The following FRY variants were observed in gnomAD, a reference collection of about 807,000 sequenced individuals.
FRY encodes protein furry homolog.
In FRY, 128 loss-of-function variants were observed where a neutral mutation model predicts 348.4. The ratio of observed to expected loss-of-function variants is 0.37; its 90% confidence interval spans 0.32 to 0.43. FRY has a LOEUF of 0.43. FRY is among the 20% of genes least tolerant of loss of function. The pLI, the probability that FRY is intolerant of heterozygous loss-of-function variation, is 1.00. For missense variants in FRY, 2,736 were observed against 3,695.2 expected (o/e 0.74, Z 6.73); for synonymous variants, 1,370 against 1,374.7 (o/e 1.00, Z 0.08).
Position 32,032,002 on chromosome 13 carries a change from T to C in FRY, c.70+137T>C, listed in dbSNP as rs1048040989. 419 of 608,690 alleles carry C rather than the reference T, an allele frequency of 6.9e-4. 1 individual carries two copies. Among genetic ancestry groups the C allele is most frequent in the Admixed American group, 7.0e-4 (23 of 32,982 alleles). 37.7% of individuals were successfully genotyped at this position (608,690 alleles called of 1,614,324 possible). ...TTTTTTTCTTTTCTTTTCTTTTCTC[T>C]TTCTTTCTTTCTTTCTTTCTTTTTC... On this transcript the variant is annotated intron_variant, in intron 1 of 60. Transcript: ENST00000542859.
At chr13:32,194,849 C>A (rs1450724699) in intron 29 of FRY, among the ~76,000 whole-genome samples, 4 of 152,156 alleles carry the variant, frequency 2.6e-5, no homozygotes, top group African/African-American at 9.7e-5. Flanking sequence ...GAAATAAGTT[C>A]ATAGCTACCA....
At chr13:32,168,864 A>G (rs1319069819) in intron 17 of FRY, among the ~76,000 whole-genome samples, 1 of 152,226 alleles carries the variant, frequency 6.6e-6, no homozygotes, top group Non-Finnish European at 1.5e-5. Flanking sequence ...TATCTTATCA[A>G]ACTTTTGAAA....
chr13:32,033,443 T>C (rs1466786101), intron 1 of FRY, among the ~76,000 whole-genome samples: 1 of 152,242 alleles, frequency 6.6e-6, no homozygotes, highest in Non-Finnish European at 1.5e-5. Flanking sequence ...AAAATTATGT[T>C]GTGACAATAC....
At chr13:32,207,401 T>C (rs1884418619) in intron 31 of FRY, among the ~76,000 whole-genome samples, 2 of 152,246 alleles carry the variant, frequency 1.3e-5, no homozygotes, top group African/African-American at 4.8e-5. Context: ...CATTTGTCAC[T>C]GTTTCCCTTG....
intron 1 of FRY, among the ~76,000 whole-genome samples, chr13:32,055,802 G>C (rs572164039): frequency 6.6e-6 from 1 of 152,282 alleles, no homozygotes; most frequent in Non-Finnish European, 1.5e-5. Context: ...AGAACATTTA[G>C]TGTACTTCTA....
chr13:32,238,033 G>A, intron 44 of FRY, 47 bp downstream of exon 44: 1 of 1,599,052 alleles, frequency 6.3e-7, no homozygotes, highest in Admixed American at 1.7e-5. Context: ...TGGTGACTGT[G>A]TTCATCATTT....
At chr13:32,075,172 T>C (rs1428423023) in intron 1 of FRY, among the ~76,000 whole-genome samples, 1 of 152,234 alleles carries the variant, frequency 6.6e-6, no homozygotes, top group Non-Finnish European at 1.5e-5. Context: ...GCAGCAAATT[T>C]TTCCCTTTTA....
chr13:32,085,877 T>G, intron 2 of FRY: 1 of 518,996 alleles, frequency 1.9e-6, no homozygotes, highest in Non-Finnish European at 3.8e-6. Context: ...ACAGCTCCTT[T>G]CAGCAGACCT....
intron 54 of FRY, among the ~76,000 whole-genome samples, chr13:32,266,416 T>C (rs973319662): frequency 4.6e-5 from 7 of 152,176 alleles, no homozygotes; most frequent in African/African-American, 1.4e-4. Flanking sequence ...ACCTTTGTCT[T>C]CCAGGCATTT....
In FRY at chr13:32,261,777, G is replaced by A. The variant is rs369581915; in HGVS notation, c.7578G>A (p.Glu2526=). The change falls in exon 52 of 61, where the codon GAG becomes GAA. Residue 2526 remains glutamate (E), a synonymous_variant. Coordinates refer to ENST00000542859, the MANE Select transcript of FRY (RefSeq NM_023037.3). ...ACTCCGATGAATCATCCGAGGAGGA[G>A]GACCTCACAGCCAGCCAGATCCTGG... ...HEDSDESSEE[E]DLTASQILEH... is the part of the protein sequence containing the mutation. The A allele has an allele frequency of 2.2e-5, 35 of 1,614,080 alleles. No individual in the cohort carries two copies. In the African/African-American group the frequency reaches 3.5e-4, roughly 16 times the overall value.
chr13:32,119,608 G>A (rs1393159350), intron 4 of FRY, among the ~76,000 whole-genome samples: 1 of 152,022 alleles, frequency 6.6e-6, no homozygotes, highest in Non-Finnish European at 1.5e-5. Flanking sequence ...TACTGCTGCT[G>A]GCCATCTCTG....
At position 32,124,641 on chromosome 13, in the gene FRY, G is replaced by A; in HGVS notation, c.595G>A (p.Val199Ile). ...HPVIDSLIHD[V>I]INLAFKHFKY... Reference sequence around the variant, plus strand: ...TGTAATAGACAGTTTAATACATGATGTTATTAACTTGGCTTTCAAGCACTT... The same window carrying A: ...TGTAATAGACAGTTTAATACATGATATTATTAACTTGGCTTTCAAGCACTT... Residue 199 changes from valine (V) to isoleucine (I), a missense_variant, in exon 6 of 61, where the codon GTT (valine) becomes ATT (isoleucine). Physicochemically the swap from Val to Ile is conservative, Grantham distance 29 (BLOSUM62 3). Transcript: ENST00000542859. The A allele has an allele frequency of 6.3e-7, 1 of 1,597,936 alleles. No individual in the cohort carries two copies. Among genetic ancestry groups the A allele is most frequent in the Non-Finnish European group, 8.6e-7 (1 of 1,165,494 alleles).
At chr13:32,195,327 T>G (rs1398171747) in intron 29 of FRY, among the ~76,000 whole-genome samples, 1 of 152,192 alleles carries the variant, frequency 6.6e-6, no homozygotes, top group Admixed American at 6.5e-5. Flanking sequence ...TTTCCTGTTA[T>G]AAGCATTACT....
At chr13:32,192,940 A>G (rs1440862849) in intron 28 of FRY, among the ~76,000 whole-genome samples, 8 of 151,750 alleles carry the variant, frequency 5.3e-5, no homozygotes, top group Admixed American at 5.3e-4. Context: ...ATAGGGTTTC[A>G]CCACATTGGC....
chr13:32,059,456 A>G (rs1873809637), intron 1 of FRY, among the ~76,000 whole-genome samples: 1 of 131,222 alleles, frequency 7.6e-6, no homozygotes, highest in African/African-American at 3.1e-5. Context: ...AAACTTAGGA[A>G]GCAAAAAAAA....
intron 58 of FRY, among the ~76,000 whole-genome samples, chr13:32,282,415 C>T (rs1421813283): frequency 6.6e-6 from 1 of 152,170 alleles, no homozygotes; most frequent in African/African-American, 2.4e-5. Context: ...CATATCTGTT[C>T]TATTTCAAAG....
At chr13:32,054,639 C>T (rs752875356) in intron 1 of FRY, among the ~76,000 whole-genome samples, 2 of 151,950 alleles carry the variant, frequency 1.3e-5, no homozygotes, top group Non-Finnish European at 2.9e-5. Context: ...TTTGGGAGGC[C>T]GAGGCAGGCG....
At position 32,148,919 on chromosome 13, in the gene FRY, A is replaced by T. The variant is rs7332294; in HGVS notation, c.1393-829A>T. 7.2e-3 allele frequency among the ~76,000 whole-genome samples: 1,091 copies of T among 152,140 alleles called. 18 individuals carry two copies. Among genetic ancestry groups the T allele is most frequent in the African/African-American group, 0.025 (1,048 of 41,538 alleles). The stretch of plus-strand genomic sequence containing the variant: ...CATTACCTGCTCTGCAGGTGAAAGA[A>T]TTAATGTAATTTTTCTGCATGTAGT... On this transcript the variant is annotated intron_variant, in intron 13 of 60. Transcript: ENST00000542859.
At position 32,208,935 on chromosome 13, in the gene FRY, C is replaced by G. The variant is rs753627910; in HGVS notation, c.4101C>G (p.Ile1367Met). Residue 1367 changes from isoleucine (I) to methionine (M), a missense_variant, in exon 32 of 61, where the codon ATC becomes ATG. Physicochemically the swap from Ile to Met is conservative, Grantham distance 10 (BLOSUM62 1). Coordinates refer to ENST00000542859, the MANE Select transcript of FRY (RefSeq NM_023037.3). ...ACCTGCTGCCCTGGCTGCACAACAT[C>G]GAGCTGGTGGACAGCAGGCTCCTCC... is the stretch of plus-strand genomic sequence containing the variant. Reference protein sequence around the residue: ...LTYLLPWLHNIELVDSRLLLP... With the variant: ...LTYLLPWLHNMELVDSRLLLP... 3.7e-6 allele frequency: 6 copies of G among 1,614,070 alleles called. No homozygotes were observed. The highest frequency in any genetic ancestry group is 3.4e-6 in the Non-Finnish European group (4 of 1,180,038).
Sources: gnomAD v4.1 joint callset for allele counts (sites outside exome capture counted in the v4.1 genomes callset) on GRCh38, gnomAD v4.1.1 for gene constraint, MANE v1.5 for transcripts, NCBI Gene and HGNC (gene_info 2026-07-23, HGNC 2026-07-21) for gene names.